The following ADAMTS4 variants were observed in gnomAD, a reference collection of about 807,000 sequenced individuals.
ADAMTS4 encodes the protein ADAM metallopeptidase with thrombospondin type 1 motif 4, also known as A disintegrin and metalloproteinase with thrombospondin motifs 4.
ADAMTS4 carries 38 observed loss-of-function variants against 66.7 expected under a neutral mutation model. The observed-to-expected ratio is 0.57, with a 90% CI of 0.44 to 0.75. The LOEUF is 0.75. Among genes scored for constraint, ADAMTS4 ranks in the 30% least tolerant of loss-of-function variants. The pLI, the probability that ADAMTS4 is intolerant of heterozygous loss-of-function variation, is 0.00. For missense variants in ADAMTS4, 1,014 were observed against 1,116.7 expected (o/e 0.91, Z 1.31); for synonymous variants, 418 against 461.5 (o/e 0.91, Z 1.21).
In ADAMTS4 at chr1:161,191,401, C is replaced by T. The variant is rs757273170; in HGVS notation, c.2251G>A (p.Val751Met). 1.9e-6 allele frequency: 3 copies of T among 1,614,126 alleles called. No individual in the cohort carries two copies. The highest frequency in any genetic ancestry group is 1.6e-4 in the Middle Eastern group (1 of 6,062). The stretch of plus-strand genomic sequence containing the variant: ...AAGCTGACTGCCCCAGGCAGTACCA[C>T]ATCTGTGGGGGAGGGCATCAGCGTG... ...EYTLMPSPTDVVLPGAVSLRY... is the reference protein window; with the variant it reads ...EYTLMPSPTDMVLPGAVSLRY... The change falls in exon 9 of 9, where the codon GTG becomes ATG. Residue 751 changes from valine (V) to methionine (M), a missense_variant. Transcript: ENST00000367996.
rs1203274438 is a variant in ADAMTS4 at position 161,195,476 on chromosome 1, T to C, written c.1250A>G (p.Asp417Gly). Residue 417 changes from aspartate (D) to glycine (G), a missense_variant, in exon 4 of 9, where the codon GAC (aspartate) becomes GGC (glycine). Asp to Gly is a moderately conservative substitution (Grantham distance 94). Coordinates refer to ENST00000367996, the MANE Select transcript of ADAMTS4 (RefSeq NM_005099.6). ...TGCCATCTGCTTACCATAGCCATTG[T>C]CCAGGAAGTCAGTGATGAAGCGGGC... ...CSARFITDFL[D>G]NGYGHCLLDK... is the part of the protein sequence containing the mutation. 2 of 1,609,862 alleles carry C rather than the reference T, an allele frequency of 1.2e-6. No homozygotes were observed. The highest frequency in any genetic ancestry group is 1.7e-5 in the Admixed American group (1 of 59,300).
At chr1:161,196,946 C>T (rs1246269326) in intron 1 of ADAMTS4, 66 bp from the exon 2 acceptor site, 1 of 1,397,710 alleles carries the variant, frequency 7.2e-7, no homozygotes, top group East Asian at 2.3e-5. Flanking sequence ...GGTCGATTCT[C>T]CAATCCCTCA....
rs1307680121 is a variant in ADAMTS4 at position 161,193,396 on chromosome 1, G to A, written c.1736-8C>T. The A allele has an allele frequency of 6.2e-7, 1 of 1,611,228 alleles. No individual in the cohort carries two copies. The highest frequency in any genetic ancestry group is 8.5e-7 in the Non-Finnish European group (1 of 1,178,312). ...CCTCGCGGAAGGTCAGGGCTGGAGGGGTAAAACAGTCAGAGCCCCTCCTTC... is the reference window on the plus strand; with the variant it reads ...CCTCGCGGAAGGTCAGGGCTGGAGGAGTAAAACAGTCAGAGCCCCTCCTTC... On this transcript the variant is annotated splice_polypyrimidine_tract_variant and splice_region_variant and intron_variant, in intron 6 of 8. Transcript: ENST00000367996. The surrounding 1 kb of genome is among the most constrained non-coding windows in gnomAD (Gnocchi z 4.4).
Position 161,191,026 on chromosome 1 carries a change from C to A in ADAMTS4, c.*112G>T, listed in dbSNP as rs1664659391. On this transcript the variant is annotated 3_prime_UTR_variant, in exon 9 of 9. Transcript: ENST00000367996. Reference sequence around the variant, plus strand: ...GCAGAGAGGAGGGGCAGGTCTCACGCCCACAGCCCCTCCCCACTGAGTCTT... The same window carrying A: ...GCAGAGAGGAGGGGCAGGTCTCACGACCACAGCCCCTCCCCACTGAGTCTT... 7.1e-6 allele frequency: 9 copies of A among 1,274,416 alleles called. No individual in the cohort carries two copies. The Admixed American group carries it at 1.8e-4, about 25-fold the overall frequency. 78.9% of individuals were successfully genotyped at this position (1,274,416 alleles called of 1,614,324 possible).
chr1:161,195,934 G>GAC (rs57224018), intron 3 of ADAMTS4: 129,238 of 436,946 alleles, frequency 0.3, 11,028 homozygotes, highest in African/African-American at 0.39. Context: ...CACACACACA[G>GAC]ACACACACAC....
intron 4 of ADAMTS4, 116 bp downstream of exon 4, chr1:161,195,349 G>A: frequency 9.3e-7 from 1 of 1,073,698 alleles, no homozygotes; most frequent in Non-Finnish European, 1.3e-6. Context: ...CCACACTGCA[G>A]AGGAAGCACA....
rs748315188 is a variant in ADAMTS4, at chr1:161,191,237, C to T, written c.2415G>A (p.Pro805=). The T allele has an allele frequency of 3.4e-5, 55 of 1,613,090 alleles. No individual in the cohort carries two copies. Among genetic ancestry groups the T allele is most frequent in the Middle Eastern group, 3.3e-4 (2 of 6,076 alleles). ...RLRYSFFVPR[P]TPSTPRPTPQ... ...GAGTGGGGCGTGGCGTTGAAGGGGT[C>T]GGCCGGGGCACGAAGAAGCTGTATC... Residue 805 remains proline (P), a synonymous_variant, in exon 9 of 9, where the codon CCG becomes CCA. Transcript: ENST00000367996.
At position 161,198,033 on chromosome 1, in the gene ADAMTS4, G is replaced by C; in HGVS notation, c.595C>G (p.Pro199Ala). The C allele has an allele frequency of 6.3e-7, 1 of 1,587,784 alleles. No individual in the cohort carries two copies. The highest frequency in any genetic ancestry group is 8.6e-7 in the Non-Finnish European group (1 of 1,164,372). The change falls in exon 1 of 9, where the codon CCT becomes GCT. Residue 199 changes from proline (P) to alanine (A), a missense_variant. Physicochemically the swap from Pro to Ala is conservative, Grantham distance 27. Transcript: ENST00000367996. This position sits in a 1 kb window ranked among gnomAD's most constrained non-coding sequence, Gnocchi z 4.7. The stretch of plus-strand genomic sequence containing the variant: ...GGTCTGGGGCTGGGGCTTCCAAGAG[G>C]AGCCTTGACGTTGCACATGGGACCT... ...GQGPMCNVKA[P>A]LGSPSPRPRR...
chr1:161,188,459 G>T lies in ADAMTS4; in HGVS notation c.*2679C>A, dbSNP rs1041714413. 6 of 147,996 alleles carry T rather than the reference G, an allele frequency of 4.1e-5. No individual in the cohort carries two copies. Among genetic ancestry groups the T allele is most frequent in the African/African-American group, 1.5e-4 (6 of 39,808 alleles). 9.2% of individuals were successfully genotyped at this position (147,996 alleles called of 1,614,324 possible). On this transcript the variant is annotated 3_prime_UTR_variant, in exon 9 of 9. Coordinates refer to ENST00000367996, the MANE Select transcript of ADAMTS4 (RefSeq NM_005099.6). ...GAATCTTTCTATGTTGCCCAGGTTG[G>T]TCCCAACCTCCTGGCCTCAAGCAAT...
Position 161,196,674 on chromosome 1 carries a change from T to A in ADAMTS4, c.840A>T (p.Gln280His). The change falls in exon 2 of 9, where the codon CAA becomes CAT. Residue 280 changes from glutamine to histidine, a missense_variant. Gln to His is a conservative substitution (Grantham distance 24). Transcript: ENST00000367996. ...GGGTCTGGGCAGCACTGGGCCCCACTTGGGGCCCCTCCTCGCCTGACCCCA... is the reference window on the plus strand; with the variant it reads ...GGGTCTGGGCAGCACTGGGCCCCACATGGGGCCCCTCCTCGCCTGACCCCA... ...VILGSGEEGP[Q>H]VGPSAAQTLR... is the part of the protein sequence containing the mutation. The A allele has an allele frequency of 1.2e-6, 2 of 1,613,892 alleles. No homozygotes were observed. The highest frequency in any genetic ancestry group is 1.7e-6 in the Non-Finnish European group (2 of 1,179,924).
At chr1:161,196,331 T>C (rs1664836304) in intron 2 of ADAMTS4, 28 bp from the exon 3 acceptor site, 2 of 1,581,644 alleles carry the variant, frequency 1.3e-6, no homozygotes, top group Non-Finnish European at 1.7e-6. Flanking sequence ...AGAAGGTGCA[T>C]AGACAGCCAA....
At position 161,193,742 on chromosome 1, in the gene ADAMTS4, GGGA is replaced by G; in HGVS notation, c.1630_1632del (p.Ser544del). 1.2e-6 allele frequency: 2 copies of G among 1,614,066 alleles called. No homozygotes were observed. The highest frequency in any genetic ancestry group is 1.7e-6 in the Non-Finnish European group (2 of 1,179,988). On this transcript the variant is annotated inframe_deletion, in exon 6 of 9. Coordinates refer to ENST00000367996, the MANE Select transcript of ADAMTS4 (RefSeq NM_005099.6). This position sits in a 1 kb window ranked among gnomAD's most constrained non-coding sequence, Gnocchi z 4.4. The stretch of plus-strand genomic sequence containing the variant: ...CGGGGGACAGGCCTCGTGCAGTCTC[GGGA>G]GGAGAACTGGACACCACCCCCACAG...
Position 161,191,093 on chromosome 1 carries a change from A to C in ADAMTS4, c.*45T>G. The C allele has an allele frequency of 6.6e-7, 1 of 1,507,592 alleles. No homozygotes were observed. Among genetic ancestry groups the C allele is most frequent in the South Asian group, 1.3e-5 (1 of 75,506 alleles). 93.4% of individuals were successfully genotyped at this position (1,507,592 alleles called of 1,614,324 possible). A position where few individuals can be genotyped will look rare whatever the true frequency, so the allele number is the denominator to read the frequency against. On this transcript the variant is annotated 3_prime_UTR_variant, in exon 9 of 9. Transcript: ENST00000367996. ...AGAAGCTCTCTCTTTCTCCCAGCTA[A>C]GTCCGAGGCCCCGGTGCCCAGAAAG...
Position 161,184,862 on chromosome 1 carries a change from A to G in ADAMTS4, c.*6276T>C, listed in dbSNP as rs1664510413. 6.6e-6 allele frequency: 1 copy of G among 152,054 alleles called. No homozygotes were observed. The highest frequency in any genetic ancestry group is 6.6e-5 in the Admixed American group (1 of 15,238). The allele number at this position is 152,054 out of a possible 1,614,324, so 9.4% of individuals were successfully genotyped here. A position where few individuals can be genotyped will look rare whatever the true frequency, so the allele number is the denominator to read the frequency against. ...GGAAAACCCCGTCTCTATACTAAAAATACAAAAAATTAGCTGGGCATGGTG... is the reference window on the plus strand; with the variant it reads ...GGAAAACCCCGTCTCTATACTAAAAGTACAAAAAATTAGCTGGGCATGGTG... On this transcript the variant is annotated 3_prime_UTR_variant, in exon 9 of 9. Coordinates refer to ENST00000367996, the MANE Select transcript of ADAMTS4 (RefSeq NM_005099.6).
At position 161,191,134 on chromosome 1, in the gene ADAMTS4, G is replaced by A; in HGVS notation, c.*4C>T. The A allele has an allele frequency of 6.5e-7, 1 of 1,537,138 alleles. No individual in the cohort carries two copies. On this transcript the variant is annotated 3_prime_UTR_variant, in exon 9 of 9. Coordinates refer to ENST00000367996, the MANE Select transcript of ADAMTS4 (RefSeq NM_005099.6). ...GCCCAGAAAGGGCAGCCGGGATAGT[G>A]AGGTTATTTCCTGCCCGCCCAGGGG... is the stretch of plus-strand genomic sequence containing the variant.
intron 3 of ADAMTS4, 34 bp from the exon 4 acceptor site, chr1:161,195,669 G>A: frequency 6.3e-7 from 1 of 1,579,208 alleles, no homozygotes; most frequent in Non-Finnish European, 8.6e-7. Flanking sequence ...GGATCTGAGG[G>A]TCCCTTCCCC....
In ADAMTS4 at chr1:161,193,558, C is replaced by G. The variant is rs1259939917; in HGVS notation, c.1735+82G>C. 1.3e-6 allele frequency: 2 copies of G among 1,526,558 alleles called. No homozygotes were observed. Among genetic ancestry groups the G allele is most frequent in the African/African-American group, 1.4e-5 (1 of 72,854 alleles). The allele number at this position is 1,526,558 out of a possible 1,614,324, so 94.6% of individuals were successfully genotyped here. A position where few individuals can be genotyped will look rare whatever the true frequency, so the allele number is the denominator to read the frequency against. On this transcript the variant is annotated intron_variant, in intron 6 of 8. Transcript: ENST00000367996. The surrounding 1 kb of genome is among the most constrained non-coding windows in gnomAD (Gnocchi z 4.4). ...CCCCACAGCAGCAGGGGAATCAACA[C>G]CCCCTTGGTCTTGCACTCAAGGGAC...
rs979974047 is a variant in ADAMTS4 at position 161,188,304 on chromosome 1, T to C, written c.*2834A>G. Reference sequence around the variant, plus strand: ...CCCAGGCTGGAGTATAGTGGCATGATTGTAGCTCACCATAGCCTCGAAATC... The same window carrying C: ...CCCAGGCTGGAGTATAGTGGCATGACTGTAGCTCACCATAGCCTCGAAATC... On this transcript the variant is annotated 3_prime_UTR_variant, in exon 9 of 9. Transcript: ENST00000367996. 2.7e-5 allele frequency: 4 copies of C among 147,882 alleles called. No homozygotes were observed. Among genetic ancestry groups the C allele is most frequent in the African/African-American group, 1.0e-4 (4 of 39,704 alleles). 9.2% of individuals were successfully genotyped at this position (147,882 alleles called of 1,614,324 possible). A position where few individuals can be genotyped will look rare whatever the true frequency, so the allele number is the denominator to read the frequency against.
At chr1:161,195,276 T>C (rs1221471827) in intron 4 of ADAMTS4, among the ~76,000 whole-genome samples, 189 bp downstream of exon 4, 1 of 152,210 alleles carries the variant, frequency 6.6e-6, no homozygotes, top group Non-Finnish European at 1.5e-5. Context: ...CTCCTCTAGC[T>C]ATGCTATTTA....
Sources: gnomAD v4.1 joint callset for allele counts (sites outside exome capture counted in the v4.1 genomes callset) on GRCh38, gnomAD v4.1.1 for gene constraint, Gnocchi (gnomAD v3.1) non-coding constraint, MANE v1.5 for transcripts, NCBI Gene and HGNC (gene_info 2026-07-23, HGNC 2026-07-21) for gene names.